The following DNAJC5B variants were observed in gnomAD, a reference collection of about 807,000 sequenced individuals.
The protein encoded by DNAJC5B is dnaJ homolog subfamily C member 5B.
DNAJC5B carries 23 observed loss-of-function variants against 24.7 expected under a neutral mutation model. That is an observed-to-expected ratio of 0.93 (90% CI 0.67 to 1.32). The LOEUF (loss-of-function observed/expected upper bound fraction) is 1.32. Among genes scored for constraint, DNAJC5B ranks in the 40% most tolerant of loss-of-function variants. The probability of loss-of-function intolerance (pLI) is 0.00; values close to 1 mark genes in which losing one functional copy is unlikely to be tolerated. For synonymous variants in DNAJC5B, 101 were observed against 90.1 expected, an observed-to-expected ratio of 1.12 and a Z score of -0.68; for missense variants, 238 against 240.8, an observed-to-expected ratio of 0.99 and a Z score of 0.08.
intron 3 of DNAJC5B, among the ~76,000 whole-genome samples, chr8:66,065,662 G>A (rs907798214): frequency 4.6e-5 from 7 of 152,106 alleles, no homozygotes; most frequent in South Asian, 2.1e-4. Context: ...AGGATTTAGG[G>A]GCTGATCAAG....
upstream of DNAJC5B, among the ~76,000 whole-genome samples, chr8:66,017,429 A>G (rs1173446040): frequency 6.6e-6 from 1 of 152,228 alleles, no homozygotes; most frequent in Non-Finnish European, 1.5e-5. Flanking sequence ...AGCTACAAAC[A>G]TTAGCAATAT....
chr8:66,095,177 T>G (rs1315900137), intron 5 of DNAJC5B, among the ~76,000 whole-genome samples: 2 of 152,100 alleles, frequency 1.3e-5, no homozygotes, highest in Non-Finnish European at 2.9e-5. Flanking sequence ...ATACTGGGAT[T>G]CTTTCTACAG....
At chr8:66,073,237 T>A (rs1038342934) in intron 3 of DNAJC5B, among the ~76,000 whole-genome samples, 5 of 152,044 alleles carry the variant, frequency 3.3e-5, no homozygotes, top group African/African-American at 9.7e-5. Flanking sequence ...TAGAAAAAAA[T>A]TATTTTTATC....
At chr8:66,019,429 CA>C (rs1806049425), upstream of DNAJC5B, among the ~76,000 whole-genome samples, 1 of 151,524 alleles carries the variant, frequency 6.6e-6, no homozygotes, top group Non-Finnish European at 1.5e-5. Context: ...TTTGTGATGG[CA>C]AAAAAAGGGA....
intron 4 of DNAJC5B, among the ~76,000 whole-genome samples, chr8:66,077,384 T>C (rs775542265): frequency 5.9e-5 from 9 of 152,066 alleles, no homozygotes; most frequent in Non-Finnish European, 1.0e-4. Context: ...GGACAGGGAA[T>C]TGGAGAGGCA....
At chr8:66,029,196 T>G (rs1370640884) in intron 1 of DNAJC5B, among the ~76,000 whole-genome samples, 4 of 152,114 alleles carry the variant, frequency 2.6e-5, no homozygotes, top group Non-Finnish European at 4.4e-5. Context: ...ATTTAAAAAA[T>G]TTGACCCTTT....
At chr8:66,075,990 C>T (rs1158875883) in intron 3 of DNAJC5B, among the ~76,000 whole-genome samples, 1 of 152,184 alleles carries the variant, frequency 6.6e-6, no homozygotes, top group Non-Finnish European at 1.5e-5. Context: ...GAATTTCCAG[C>T]AGAGTCCCTC....
intron 2 of DNAJC5B, among the ~76,000 whole-genome samples, chr8:66,045,918 G>A (rs553659370): frequency 3.3e-5 from 5 of 152,266 alleles, no homozygotes; most frequent in East Asian, 1.9e-4. Context: ...AGACATTGGT[G>A]TACCCAGTAA....
chr8:66,060,953 T>C (rs991198742), intron 3 of DNAJC5B, among the ~76,000 whole-genome samples: 7 of 152,162 alleles, frequency 4.6e-5, no homozygotes, highest in African/African-American at 1.7e-4. Context: ...AACACATAAG[T>C]AAGACACACA....
At chr8:66,098,997 G>GTCTC (rs146100489) in intron 5 of DNAJC5B, among the ~76,000 whole-genome samples, 1 of 142,822 alleles carries the variant, frequency 7.0e-6, no homozygotes, top group Non-Finnish European at 1.5e-5. Flanking sequence ...GTCTCTCTCT[G>GTCTC]TCTCTCTCTC....
At chr8:66,099,522 G>A (rs1185795138) in intron 5 of DNAJC5B, among the ~76,000 whole-genome samples, 1 of 152,082 alleles carries the variant, frequency 6.6e-6, no homozygotes, top group Non-Finnish European at 1.5e-5. Flanking sequence ...ATAATGCCAG[G>A]GTGCATCTTT....
intron 3 of DNAJC5B, among the ~76,000 whole-genome samples, chr8:66,071,933 G>C (rs535284513): frequency 1.3e-5 from 2 of 151,768 alleles, no homozygotes; most frequent in South Asian, 4.2e-4. Flanking sequence ...ATCATTCTCA[G>C]CAAACTATCA....
upstream of DNAJC5B, among the ~76,000 whole-genome samples, chr8:66,019,329 G>A (rs1170771426): frequency 6.6e-6 from 1 of 152,110 alleles, no homozygotes; most frequent in Non-Finnish European, 1.5e-5. Flanking sequence ...CTGTGATTTG[G>A]GGTCAGACAC....
At chr8:66,032,063 T>G (rs1454961949) in intron 1 of DNAJC5B, among the ~76,000 whole-genome samples, 1 of 152,252 alleles carries the variant, frequency 6.6e-6, no homozygotes, top group Non-Finnish European at 1.5e-5. Flanking sequence ...TGTTTGCACA[T>G]TTTAGAGATG....
At chr8:66,039,377 T>G (rs1421920777) in intron 1 of DNAJC5B, among the ~76,000 whole-genome samples, 1 of 151,278 alleles carries the variant, frequency 6.6e-6, no homozygotes, top group Non-Finnish European at 1.5e-5. Context: ...AGATGGAGTT[T>G]CTCTCTTGTT....
intron 1 of DNAJC5B, among the ~76,000 whole-genome samples, chr8:66,024,531 G>T (rs975180424): frequency 3.3e-5 from 4 of 121,380 alleles, no homozygotes; most frequent in East Asian, 4.4e-4. Context: ...ACCCACTAAC[G>T]TGTCATCTAG....
At chr8:66,099,830 G>A in intron 5 of DNAJC5B, 107 bp from the exon 6 acceptor site, 3 of 880,924 alleles carry the variant, frequency 3.4e-6, no homozygotes, top group South Asian at 1.6e-5. Flanking sequence ...CTTATGAATT[G>A]AGTTGATTTG....
chr8:66,099,856 A>G (rs1808034826), intron 5 of DNAJC5B, 81 bp from the exon 6 acceptor site: 1 of 1,293,406 alleles, frequency 7.7e-7, no homozygotes, highest in East Asian at 2.5e-5. Context: ...CATGAATTCA[A>G]CAAAAATACC....
chr8:66,068,544 A>G (rs1807273801), intron 3 of DNAJC5B, among the ~76,000 whole-genome samples: 1 of 152,078 alleles, frequency 6.6e-6, no homozygotes, highest in Non-Finnish European at 1.5e-5. Context: ...GATAAAAACG[A>G]AGTTTCATTA....
Sources: gnomAD v4.1 joint callset for allele counts (sites outside exome capture counted in the v4.1 genomes callset) on GRCh38, gnomAD v4.1.1 for gene constraint, MANE v1.5 for transcripts, NCBI Gene and HGNC (gene_info 2026-07-23, HGNC 2026-07-21) for gene names.